The following TTC6 variants were observed in gnomAD, a reference collection of about 807,000 sequenced individuals.
TTC6 encodes the protein tetratricopeptide repeat domain 6.
A neutral mutation model predicts 210.4 loss-of-function variants in TTC6; 172 were observed. The ratio of observed to expected loss-of-function variants is 0.82; its 90% CI spans 0.72 to 0.93. TTC6 has a LOEUF of 0.93. Ranked by LOEUF, TTC6 falls within the 40% of genes least tolerant of loss-of-function variation. TTC6 has a pLI of 0.00. For missense variants in TTC6, 2,414 were observed against 2,318.1 expected (o/e 1.04, Z -0.85); for synonymous variants, 804 against 819.6 (o/e 0.98, Z 0.32).
chr14:37,806,885 G>T (rs951697685), intron 22 of TTC6, among the ~76,000 whole-genome samples: 1 of 152,096 alleles, frequency 6.6e-6, no homozygotes, highest in East Asian at 1.9e-4. Flanking sequence ...ATTGCATCTT[G>T]ATTTTAGGAA....
intron 17 of TTC6, 36 bp downstream of exon 19, chr14:37,792,450 AAAC>A: frequency 1.4e-6 from 2 of 1,429,670 alleles, no homozygotes; most frequent in Non-Finnish European, 1.8e-6. Flanking sequence ...TTTTTTAAAA[AAAC>A]TTTAATTTTC....
intron 25 of TTC6, among the ~76,000 whole-genome samples, chr14:37,814,899 G>A (rs1409120247): frequency 6.6e-6 from 1 of 152,146 alleles, no homozygotes; most frequent in Non-Finnish European, 1.5e-5. Flanking sequence ...TAACAGAGAA[G>A]CTGACTAGCT....
chr14:37,727,768 T>C (rs1003971315), intron 7 of TTC6, among the ~76,000 whole-genome samples: 22 of 152,336 alleles, frequency 1.4e-4, no homozygotes, highest in African/African-American at 5.1e-4. Context: ...CCTTTTCTTT[T>C]TGATACACCA....
chr14:37,620,903 C>T (rs191286695), upstream of TTC6, among the ~76,000 whole-genome samples: 1 of 152,306 alleles, frequency 6.6e-6, no homozygotes, highest in East Asian at 1.9e-4. Context: ...CAGACTCAGG[C>T]TCCAGCTACC....
chr14:37,734,087 G>T (rs1164171516), intron 7 of TTC6, among the ~76,000 whole-genome samples: 1 of 152,090 alleles, frequency 6.6e-6, no homozygotes, highest in South Asian at 2.1e-4. Context: ...TTGAGACTTA[G>T]AATGGCATTA....
At chr14:37,619,069 C>CG (rs571349383), upstream of TTC6, among the ~76,000 whole-genome samples, 45 of 151,980 alleles carry the variant, frequency 3.0e-4, no homozygotes, top group East Asian at 4.5e-3. Flanking sequence ...CTATGCGGGG[C>CG]GGGGGGATTA....
At position 37,735,915 on chromosome 14, in the gene TTC6, TCA is replaced by T; in HGVS notation, c.1819-3_1819-2del. ...ATAATTTAAAATTGTTATCTTTTTA[TCA>T]CAGAGTGTTCAAGCAAGCAGACTTT... On this transcript the variant is annotated splice_polypyrimidine_tract_variant and splice_region_variant and intron_variant, in intron 7 of 30. Transcript: ENST00000553443. 1 of 1,506,436 alleles carries T rather than the reference TCA, an allele frequency of 6.6e-7. No individual in the cohort carries two copies. The highest frequency in any genetic ancestry group is 8.9e-7 in the Non-Finnish European group (1 of 1,122,972). 93.3% of individuals were successfully genotyped at this position (1,506,436 alleles called of 1,614,324 possible).
intron 10 of TTC6, among the ~76,000 whole-genome samples, chr14:37,743,002 A>G (rs944862756): frequency 2.6e-5 from 4 of 152,234 alleles, no homozygotes; most frequent in Non-Finnish European, 5.9e-5. Context: ...TCAACGATAT[A>G]TTGAGCAAAA....
intron 2 of TTC6, 137 bp from the exon 5 acceptor site, chr14:37,682,621 G>C (rs2095786372): frequency 2.8e-6 from 2 of 716,136 alleles, no homozygotes; most frequent in South Asian, 3.9e-5. Context: ...AATCTTCAGA[G>C]GAAACTCATC....
chr14:37,645,600 T>C (rs1274836362), intron 1 of TTC6, among the ~76,000 whole-genome samples: 1 of 152,180 alleles, frequency 6.6e-6, no homozygotes, highest in Non-Finnish European at 1.5e-5. Context: ...GAACATCACA[T>C]TGAGCAGAAG....
intron 14 of TTC6, among the ~76,000 whole-genome samples, chr14:37,767,666 A>G (rs1169143256): frequency 6.6e-6 from 1 of 151,744 alleles, no homozygotes; most frequent in African/African-American, 2.4e-5. Context: ...TTTCTTGTAA[A>G]TTTGTTTGAG....
chr14:37,736,031 T>G lies in TTC6; in HGVS notation c.1908+21T>G, dbSNP rs964769409. 43 of 1,286,216 alleles carry G rather than the reference T, an allele frequency of 3.3e-5. 1 individual carries two copies. The highest frequency in any genetic ancestry group is 4.5e-5 in the Non-Finnish European group (42 of 923,800). The allele number at this position is 1,286,216 out of a possible 1,614,324, so 79.7% of individuals were successfully genotyped here. A position where few individuals can be genotyped will look rare whatever the true frequency, so the allele number is the denominator to read the frequency against. On this transcript the variant is annotated intron_variant, in intron 8 of 30. Transcript: ENST00000553443. ...TTTGGGTATGTACAATTTTTGTTCT[T>G]AATTAGGATTGTTTACTCTATCTGC...
At chr14:37,601,132 T>A (rs1305869690) in intron 1 of TTC6, among the ~76,000 whole-genome samples, 1 of 152,144 alleles carries the variant, frequency 6.6e-6, no homozygotes, top group Non-Finnish European at 1.5e-5. Context: ...GGACACTACC[T>A]GTGGTGGCAA....
At chr14:37,669,035 A>G (rs1399191777) in intron 1 of TTC6, among the ~76,000 whole-genome samples, 2 of 152,186 alleles carry the variant, frequency 1.3e-5, no homozygotes, top group East Asian at 3.9e-4. Flanking sequence ...GAAAACCTTG[A>G]CTGAATAGCT....
intron 5 of TTC6, among the ~76,000 whole-genome samples, chr14:37,710,537 A>G (rs1018254164): frequency 1.3e-5 from 2 of 152,156 alleles, no homozygotes; most frequent in African/African-American, 4.8e-5. Flanking sequence ...CTCAATGATC[A>G]TAAACAATAA....
chr14:37,763,347 A>G (rs2095990167), intron 14 of TTC6, among the ~76,000 whole-genome samples: 1 of 151,868 alleles, frequency 6.6e-6, no homozygotes, highest in African/African-American at 2.4e-5. Context: ...ATGAGGAAGT[A>G]TTTTCTTCTT....
intron 14 of TTC6, among the ~76,000 whole-genome samples, chr14:37,785,747 A>G (rs994260515): frequency 2.6e-5 from 4 of 152,054 alleles, no homozygotes; most frequent in Admixed American, 6.5e-5. Flanking sequence ...TTATCCCCAT[A>G]TTTTTGGTTT....
chr14:37,750,591 A>C (rs573834739), intron 12 of TTC6, among the ~76,000 whole-genome samples: 1 of 152,350 alleles, frequency 6.6e-6, no homozygotes, highest in African/African-American at 2.4e-5. Context: ...CGAAATCAAA[A>C]TTAAATGAAA....
chr14:37,716,782 TC>T (rs756144630), intron 6 of TTC6, among the ~76,000 whole-genome samples: 41 of 152,090 alleles, frequency 2.7e-4, no homozygotes, highest in Non-Finnish European at 4.4e-4. Flanking sequence ...ACTTAGAAAA[TC>T]AGCAACAACC....
Sources: gnomAD v4.1 joint callset for allele counts (sites outside exome capture counted in the v4.1 genomes callset) on GRCh38, gnomAD v4.1.1 for gene constraint, MANE v1.5 for transcripts, NCBI Gene and HGNC (gene_info 2026-07-23, HGNC 2026-07-21) for gene names.